ANKFN1: variants seen among roughly 807,000 people sequenced by gnomAD.
ANKFN1 encodes ankyrin repeat and fibronectin type-III domain-containing protein 1.
ANKFN1 carries 74 observed loss-of-function variants against 108.7 expected under a neutral mutation model. The observed-to-expected ratio is 0.68, with a 90% CI of 0.56 to 0.83. ANKFN1 has a LOEUF of 0.83. Ranked by LOEUF, ANKFN1 falls within the 40% of genes least tolerant of loss-of-function variation. The pLI, the probability that ANKFN1 is intolerant of heterozygous loss-of-function variation, is 0.00. For missense variants in ANKFN1, 1,505 were observed against 1,382.3 expected, an observed-to-expected ratio of 1.09 and a Z score of -1.41; for synonymous variants, 547 against 516.2, an observed-to-expected ratio of 1.06 and a Z score of -0.81.
intron 1 of ANKFN1, among the ~76,000 whole-genome samples, chr17:56,160,945 G>A (rs1174372088): frequency 6.6e-6 from 1 of 152,162 alleles, no homozygotes; most frequent in Non-Finnish European, 1.5e-5. Flanking sequence ...TGAACCTTGG[G>A]GTGTGAAGTT....
chr17:56,100,524 T>C (rs1439698200), intron 4 of ANKFN1, among the ~76,000 whole-genome samples: 1 of 152,216 alleles, frequency 6.6e-6, no homozygotes, highest in Non-Finnish European at 1.5e-5. Context: ...AACCACATGA[T>C]GATTATTTTA....
chr17:56,330,702 G>A (rs2045639488), intron 4 of ANKFN1, among the ~76,000 whole-genome samples: 1 of 152,068 alleles, frequency 6.6e-6, no homozygotes, highest in African/African-American at 2.4e-5. Flanking sequence ...AAGACAGTTG[G>A]TTACCCTATG....
At chr17:56,401,946 A>G (rs1055759174) in intron 8 of ANKFN1, among the ~76,000 whole-genome samples, 2 of 152,230 alleles carry the variant, frequency 1.3e-5, no homozygotes, top group South Asian at 4.1e-4. Flanking sequence ...ATCTATTAAG[A>G]TTATCATGTG....
At chr17:56,280,032 C>T (rs528217179) in intron 3 of ANKFN1, among the ~76,000 whole-genome samples, 2 of 125,320 alleles carry the variant, frequency 1.6e-5, no homozygotes, top group South Asian at 2.3e-4. Flanking sequence ...TTTCTCAAGA[C>T]GGAGTTTCTT....
intron 8 of ANKFN1, among the ~76,000 whole-genome samples, chr17:56,391,288 T>TACAC (rs1355601550): frequency 7.0e-6 from 1 of 142,314 alleles, no homozygotes; most frequent in African/African-American, 2.7e-5. Flanking sequence ...TATGTATATG[T>TACAC]ACACACACAC....
chr17:56,164,654 T>A (rs1242891247), intron 1 of ANKFN1, among the ~76,000 whole-genome samples: 2 of 152,214 alleles, frequency 1.3e-5, no homozygotes, highest in Non-Finnish European at 2.9e-5. Context: ...CAAAGTCTTT[T>A]TAACACAGTC....
At chr17:56,375,277 G>A (rs1034729699) in intron 8 of ANKFN1, among the ~76,000 whole-genome samples, 1 of 152,062 alleles carries the variant, frequency 6.6e-6, no homozygotes, top group Admixed American at 6.6e-5. Flanking sequence ...GGAAGATATT[G>A]GGGGGAAAGT....
At chr17:56,048,911 GT>G (rs1205063748) in intron 4 of ANKFN1, among the ~76,000 whole-genome samples, 11 of 152,316 alleles carry the variant, frequency 7.2e-5, no homozygotes, top group African/African-American at 2.2e-4. Flanking sequence ...TGGGTGTGGG[GT>G]TTGGGGGAAG....
chr17:56,054,112 G>C (rs931350417), intron 4 of ANKFN1, among the ~76,000 whole-genome samples: 1 of 152,136 alleles, frequency 6.6e-6, no homozygotes, highest in Non-Finnish European at 1.5e-5. Flanking sequence ...ATGCTTTTAC[G>C]CTGTTGGTGG....
chr17:56,329,814 A>G (rs1288691793), intron 4 of ANKFN1, among the ~76,000 whole-genome samples: 1 of 152,180 alleles, frequency 6.6e-6, no homozygotes, highest in Non-Finnish European at 1.5e-5. Context: ...TCAAGAAGAT[A>G]TTAGGTCATA....
At chr17:56,489,464 A>C (rs1264534324) in intron 18 of ANKFN1, among the ~76,000 whole-genome samples, 1 of 151,776 alleles carries the variant, frequency 6.6e-6, no homozygotes, top group East Asian at 1.9e-4. Context: ...AAAAAAAAAA[A>C]AAAAACCACA....
At chr17:56,170,803 TATATAC>T (rs1359063595) in intron 1 of ANKFN1, among the ~76,000 whole-genome samples, 17 of 68,082 alleles carry the variant, frequency 2.5e-4, no homozygotes, top group East Asian at 2.5e-3. Context: ...TATATATATA[TATATAC>T]ACACACACAC....
chr17:56,316,124 A>G (rs1176003585), intron 3 of ANKFN1, among the ~76,000 whole-genome samples: 1 of 152,186 alleles, frequency 6.6e-6, no homozygotes, highest in Non-Finnish European at 1.5e-5. Flanking sequence ...AGTAATTTTA[A>G]TGGGTAAAGT....
intron 3 of ANKFN1, among the ~76,000 whole-genome samples, chr17:56,303,617 A>G (rs1210881787): frequency 3.3e-5 from 5 of 151,998 alleles, no homozygotes; most frequent in Non-Finnish European, 7.4e-5. Flanking sequence ...TCTTATTTTG[A>G]GATAACTGTA....
chr17:56,477,984 C>T (rs1040535323), intron 16 of ANKFN1, among the ~76,000 whole-genome samples: 4 of 152,082 alleles, frequency 2.6e-5, no homozygotes, highest in African/African-American at 4.8e-5. Context: ...TGCACCACCA[C>T]GCCCAGCTAA....
At chr17:56,248,836 G>A (rs1425344354) in intron 3 of ANKFN1, among the ~76,000 whole-genome samples, 2 of 152,160 alleles carry the variant, frequency 1.3e-5, no homozygotes, top group African/African-American at 4.8e-5. Flanking sequence ...TTATTAGGAG[G>A]TGATCCCAGG....
intron 4 of ANKFN1, among the ~76,000 whole-genome samples, chr17:56,085,522 C>T (rs1188685668): frequency 6.6e-6 from 1 of 151,066 alleles, no homozygotes; most frequent in Non-Finnish European, 1.5e-5. Context: ...TTTCAGACTT[C>T]TGGGTTCCAG....
intron 4 of ANKFN1, among the ~76,000 whole-genome samples, chr17:56,067,813 A>G (rs1426681790): frequency 6.6e-6 from 1 of 152,200 alleles, no homozygotes; most frequent in Non-Finnish European, 1.5e-5. Context: ...AAACCAATAA[A>G]GCATAAATTC....
chr17:56,438,973 G>A (rs1238030870), intron 8 of ANKFN1, among the ~76,000 whole-genome samples: 1 of 152,138 alleles, frequency 6.6e-6, no homozygotes, highest in Non-Finnish European at 1.5e-5. Context: ...AAGAGAAGTA[G>A]AAAGGCAAGT....
Sources: gnomAD v4.1 joint callset for allele counts (sites outside exome capture counted in the v4.1 genomes callset) on GRCh38, gnomAD v4.1.1 for gene constraint, MANE v1.5 for transcripts, NCBI Gene and HGNC (gene_info 2026-07-23, HGNC 2026-07-21) for gene names.